The following ALK variants were observed in gnomAD, a reference collection of about 807,000 sequenced individuals.
ALK encodes the protein ALK tyrosine kinase receptor.
A neutral mutation model predicts 163.1 loss-of-function variants in ALK; 74 were observed. The observed-to-expected ratio is 0.45, with a 90% CI of 0.38 to 0.55. The LOEUF (loss-of-function observed/expected upper bound fraction) is 0.55, where lower values mean the gene tolerates loss of function less well. ALK is among the 20% of genes least tolerant of loss of function. The pLI, the probability that ALK is intolerant of heterozygous loss-of-function variation, is 0.00. For synonymous variants in ALK, 960 were observed against 843.2 expected, an observed-to-expected ratio of 1.14 and a Z score of -2.40; for missense variants, 2,063 against 2,105.3, an observed-to-expected ratio of 0.98 and a Z score of 0.39.
At chr2:29,803,601 T>G (rs1359872641) in intron 1 of ALK, among the ~76,000 whole-genome samples, 1 of 152,236 alleles carries the variant, frequency 6.6e-6, no homozygotes, top group East Asian at 1.9e-4. Context: ...CCGATTGCTC[T>G]ATGTTTCATC....
At chr2:29,821,879 A>G (rs1215735815) in intron 1 of ALK, among the ~76,000 whole-genome samples, 1 of 152,170 alleles carries the variant, frequency 6.6e-6, no homozygotes, top group African/African-American at 2.4e-5. Context: ...AGATGAGCAC[A>G]GACTGGGGAT....
intron 3 of ALK, among the ~76,000 whole-genome samples, chr2:29,692,189 A>G (rs1209523835): frequency 6.6e-6 from 1 of 152,204 alleles, no homozygotes; most frequent in Non-Finnish European, 1.5e-5. Context: ...AATTCACCAG[A>G]CAGACAAAAA....
chr2:29,232,222 G>A, intron 15 of ALK, 82 bp downstream of exon 15: 4 of 1,574,312 alleles, frequency 2.5e-6, no homozygotes, highest in Non-Finnish European at 3.5e-6. Context: ...TGACTAAGAT[G>A]CCCTCAGGCA....
chr2:29,543,628 G>A (rs1489529150), intron 3 of ALK, among the ~76,000 whole-genome samples: 1 of 152,212 alleles, frequency 6.6e-6, no homozygotes, highest in African/African-American at 2.4e-5. Flanking sequence ...TAACCATAGA[G>A]AAATTTCCAT....
At chr2:29,196,676 T>G (rs1669030338) in intron 28 of ALK, 94 bp downstream of exon 28, 4 of 920,040 alleles carry the variant, frequency 4.3e-6, no homozygotes, top group African/African-American at 3.2e-5. Context: ...TCTTGTACTC[T>G]GACTGGCTTG....
chr2:29,725,982 G>A (rs1422543686), intron 1 of ALK, among the ~76,000 whole-genome samples: 2 of 152,132 alleles, frequency 1.3e-5, no homozygotes, highest in African/African-American at 4.8e-5. Flanking sequence ...GCGTCACAAT[G>A]TCTCCTTTGG....
chr2:29,858,679 G>A (rs1293630481), intron 1 of ALK, among the ~76,000 whole-genome samples: 2 of 152,086 alleles, frequency 1.3e-5, no homozygotes, highest in South Asian at 2.1e-4. Context: ...GAAGGTGGAG[G>A]ATGCAGTGAG....
intron 3 of ALK, among the ~76,000 whole-genome samples, chr2:29,644,083 T>C (rs1353520506): frequency 1.6e-3 from 232 of 144,240 alleles, no homozygotes; most frequent in South Asian, 3.1e-3. Context: ...AAATGATGAG[T>C]TCACGTCCTT....
Position 29,193,740 on chromosome 2 carries a change from A to G in ALK, c.4347T>C (p.Ser1449=), listed in dbSNP as rs1558603940. The G allele has an allele frequency of 3.7e-6, 6 of 1,602,602 alleles. No homozygotes were observed. The highest frequency in any genetic ancestry group is 2.2e-5 in the South Asian group (2 of 89,706). Residue 1449 remains serine, a synonymous_variant, in exon 29 of 29, where the codon TCT becomes TCC. Coordinates refer to ENST00000389048, the MANE Select transcript of ALK (RefSeq NM_004304.5). ...CTGTGGGTTTCTTTGCAGCCTTGCC[A>G]GAGGAGGTGGTAGGCAGAGGTGGTG... ...AAPPPLPTTS[S]GKAAKKPTAA...
chr2:29,393,072 G>GT (rs769319307), intron 4 of ALK, among the ~76,000 whole-genome samples: 12 of 152,148 alleles, frequency 7.9e-5, no homozygotes, highest in Non-Finnish European at 1.6e-4. Flanking sequence ...AGTGTTCAAG[G>GT]TTACTGAGTG....
intron 3 of ALK, among the ~76,000 whole-genome samples, chr2:29,676,633 A>G (rs1370521747): frequency 2.6e-5 from 4 of 152,018 alleles, no homozygotes; most frequent in East Asian, 1.9e-4. Flanking sequence ...TATTGTGTCT[A>G]TTCCAGGTCT....
rs375902251 is a variant in ALK at position 29,196,710 on chromosome 2, G to T, written c.4164+60C>A. The T allele has an allele frequency of 1.3e-4, 160 of 1,215,836 alleles. 1 individual carries two copies. The South Asian group carries it at 1.8e-3, about 13-fold the overall frequency. 75.3% of individuals were successfully genotyped at this position (1,215,836 alleles called of 1,614,324 possible). ...TGACCTATTTCATATTTCGGTATTT[G>T]CCATCTTTAAGACTGTTTCATATAG... On this transcript the variant is annotated intron_variant, in intron 28 of 28. Coordinates refer to ENST00000389048, the MANE Select transcript of ALK (RefSeq NM_004304.5).
At chr2:29,919,811 C>T (rs909104528) in intron 1 of ALK, among the ~76,000 whole-genome samples, 182 bp downstream of exon 1, 3 of 152,148 alleles carry the variant, frequency 2.0e-5, no homozygotes, top group East Asian at 1.9e-4. Context: ...CCCTGAACTG[C>T]GTTCAGGGAG....
At chr2:29,824,627 C>G (rs927277495) in intron 1 of ALK, among the ~76,000 whole-genome samples, 1 of 152,244 alleles carries the variant, frequency 6.6e-6, no homozygotes, top group South Asian at 2.1e-4. Context: ...GGATTTCAAA[C>G]TTGCACAGGG....
chr2:29,766,247 C>T (rs1680859245), intron 1 of ALK, among the ~76,000 whole-genome samples: 1 of 152,204 alleles, frequency 6.6e-6, no homozygotes, highest in South Asian at 2.1e-4. Context: ...TTGCCTCCTT[C>T]TTAAACATCT....
intron 4 of ALK, among the ~76,000 whole-genome samples, chr2:29,498,243 C>G (rs1672081422): frequency 6.6e-6 from 1 of 151,628 alleles, no homozygotes; most frequent in Admixed American, 6.6e-5. Context: ...GAAAGGGAGG[C>G]ACAGTGACTG....
chr2:29,551,225 G>C (rs1367255296), intron 3 of ALK, among the ~76,000 whole-genome samples: 1 of 152,162 alleles, frequency 6.6e-6, no homozygotes, highest in African/African-American at 2.4e-5. Context: ...ATTTACGGGA[G>C]TAAATATTTA....
chr2:29,787,817 A>G (rs1664077984), intron 1 of ALK, among the ~76,000 whole-genome samples: 1 of 152,248 alleles, frequency 6.6e-6, no homozygotes, highest in South Asian at 2.1e-4. Context: ...CTACATCCCA[A>G]CCAAATGTCC....
Position 29,197,548 on chromosome 2 carries a change from C to T in ALK, c.4067G>A (p.Gly1356Glu), listed in dbSNP as rs2148143203. 6.2e-7 allele frequency: 1 copy of T among 1,613,462 alleles called. No individual in the cohort carries two copies. Among genetic ancestry groups the T allele is most frequent in the Non-Finnish European group, 8.5e-7 (1 of 1,180,014 alleles). ...GRMDPPKNCP[G>E]PVYRIMTQCW... ...GTTCCTAAAAGAGTCATACACAGGC[C>T]CAGGGCAGTTCTTGGGTGGGTCCAT... Residue 1356 changes from glycine to glutamate, a missense_variant, in exon 27 of 29, where the codon GGG (glycine) becomes GAG (glutamate). Transcript: ENST00000389048.
Sources: gnomAD v4.1 joint callset for allele counts (sites outside exome capture counted in the v4.1 genomes callset) on GRCh38, gnomAD v4.1.1 for gene constraint, MANE v1.5 for transcripts, NCBI Gene and HGNC (gene_info 2026-07-23, HGNC 2026-07-21) for gene names.